The following EPHA6 variants were observed in gnomAD, a reference collection of about 807,000 sequenced individuals.
The protein encoded by EPHA6 is EPH receptor A6.
EPHA6 carries 50 observed loss-of-function variants against 112.0 expected under a neutral mutation model. The observed-to-expected ratio is 0.45, with a 90% CI of 0.36 to 0.56. EPHA6 has a LOEUF of 0.56. EPHA6 is among the 20% of genes least tolerant of loss of function. EPHA6 has a pLI of 0.00. For synonymous variants in EPHA6, 529 were observed against 490.7 expected (o/e 1.08, Z -1.03); for missense variants, 1,280 against 1,417.4 (o/e 0.90, Z 1.56).
chr3:97,203,684 A>G (rs914489452), intron 3 of EPHA6, among the ~76,000 whole-genome samples: 2 of 152,142 alleles, frequency 1.3e-5, no homozygotes, highest in Non-Finnish European at 2.9e-5. Flanking sequence ...AGGAGTCTTG[A>G]ACTCGGAATC....
chr3:97,088,321 C>G (rs1391900231), intron 3 of EPHA6, among the ~76,000 whole-genome samples: 1 of 152,134 alleles, frequency 6.6e-6, no homozygotes, highest in African/African-American at 2.4e-5. Context: ...ACTGGAATTT[C>G]AATCATTACA....
At chr3:97,424,157 A>C (rs1331874687) in intron 6 of EPHA6, among the ~76,000 whole-genome samples, 1 of 152,206 alleles carries the variant, frequency 6.6e-6, no homozygotes, top group Non-Finnish European at 1.5e-5. Flanking sequence ...AAGTTTGTGC[A>C]TAGGAACTCT....
chr3:97,324,421 CTT>C (rs1553746291), intron 5 of EPHA6, among the ~76,000 whole-genome samples: 1 of 140,106 alleles, frequency 7.1e-6, no homozygotes, highest in South Asian at 2.3e-4. Flanking sequence ...TTCTTTCTTT[CTT>C]TCTTTCTTTC....
At chr3:97,496,921 G>T (rs1480311876) in intron 10 of EPHA6, among the ~76,000 whole-genome samples, 1 of 152,042 alleles carries the variant, frequency 6.6e-6, no homozygotes, top group Non-Finnish European at 1.5e-5. Context: ...CATTTGTAGT[G>T]AGATTTGCAT....
intron 5 of EPHA6, among the ~76,000 whole-genome samples, chr3:97,356,348 A>G (rs929897218): frequency 6.6e-6 from 1 of 152,242 alleles, no homozygotes; most frequent in Non-Finnish European, 1.5e-5. Context: ...ATTAATAGAA[A>G]TAAAGTACAA....
At chr3:97,281,323 C>A (rs1248350532) in intron 5 of EPHA6, among the ~76,000 whole-genome samples, 1 of 151,922 alleles carries the variant, frequency 6.6e-6, no homozygotes, top group Admixed American at 6.6e-5. Flanking sequence ...TTTATAACTT[C>A]TTTGGGGGAA....
chr3:97,154,752 T>A (rs1463372480), intron 3 of EPHA6, among the ~76,000 whole-genome samples: 1 of 152,200 alleles, frequency 6.6e-6, no homozygotes, highest in African/African-American at 2.4e-5. Flanking sequence ...TCTATTTTTT[T>A]GAAAAGGCTG....
At chr3:97,521,691 A>T (rs1359958172) in intron 10 of EPHA6, among the ~76,000 whole-genome samples, 1 of 152,162 alleles carries the variant, frequency 6.6e-6, no homozygotes, top group Non-Finnish European at 1.5e-5. Context: ...TTGGATGGGG[A>T]CATAGCAAAC....
intron 7 of EPHA6, among the ~76,000 whole-genome samples, chr3:97,471,328 A>G (rs939466846): frequency 6.6e-6 from 1 of 151,692 alleles, no homozygotes; most frequent in African/African-American, 2.4e-5. Context: ...CCCTTTTGTA[A>G]CAATAATTAC....
At chr3:96,889,990 C>G (rs1190367482) in intron 2 of EPHA6, among the ~76,000 whole-genome samples, 1 of 151,864 alleles carries the variant, frequency 6.6e-6, no homozygotes, top group East Asian at 1.9e-4. Flanking sequence ...TATATATTGA[C>G]CTCTTATACC....
intron 1 of EPHA6, among the ~76,000 whole-genome samples, chr3:96,862,974 A>G (rs1376535698): frequency 2.0e-5 from 3 of 152,022 alleles, no homozygotes; most frequent in Admixed American, 6.6e-5. Flanking sequence ...TTTTTTTCTA[A>G]AAGTTAATAG....
At chr3:97,169,168 G>T (rs562781720) in intron 3 of EPHA6, among the ~76,000 whole-genome samples, 1 of 152,176 alleles carries the variant, frequency 6.6e-6, no homozygotes, top group East Asian at 1.9e-4. Context: ...TGAGATCCAG[G>T]TGAAGTTGTT....
At chr3:97,370,636 T>G (rs1271791619) in intron 5 of EPHA6, among the ~76,000 whole-genome samples, 1 of 152,130 alleles carries the variant, frequency 6.6e-6, no homozygotes, top group Non-Finnish European at 1.5e-5. Flanking sequence ...GGCTATAATA[T>G]ATTTAAGGTT....
intron 3 of EPHA6, among the ~76,000 whole-genome samples, chr3:97,026,360 C>A (rs1054618551): frequency 6.6e-5 from 10 of 152,074 alleles, no homozygotes; most frequent in Admixed American, 5.9e-4. Context: ...TTGCTTTGGG[C>A]AATATGGCCG....
intron 1 of EPHA6, among the ~76,000 whole-genome samples, chr3:96,837,662 AATAATAGC>A (rs1462507635): frequency 1.3e-5 from 2 of 152,068 alleles, no homozygotes; most frequent in East Asian, 3.9e-4. Context: ...AATACCTTTA[AATAATAGC>A]TCATTTAATC....
intron 11 of EPHA6, among the ~76,000 whole-genome samples, chr3:97,545,217 C>G (rs1367102602): frequency 6.6e-6 from 1 of 151,868 alleles, no homozygotes; most frequent in Non-Finnish European, 1.5e-5. Flanking sequence ...TATAAATTTC[C>G]CTCAACACAC....
At chr3:97,445,462 T>G (rs751123255) in intron 6 of EPHA6, among the ~76,000 whole-genome samples, 1 of 152,184 alleles carries the variant, frequency 6.6e-6, no homozygotes, top group Non-Finnish European at 1.5e-5. Flanking sequence ...ATTTTTTAAA[T>G]CATACTTTTA....
At chr3:97,505,021 G>T (rs1306362480) in intron 10 of EPHA6, among the ~76,000 whole-genome samples, 1 of 151,552 alleles carries the variant, frequency 6.6e-6, no homozygotes, top group Admixed American at 6.6e-5. Flanking sequence ...GGTTACATGA[G>T]GTTACCTTTG....
intron 3 of EPHA6, among the ~76,000 whole-genome samples, chr3:97,153,328 C>T (rs924872733): frequency 2.6e-5 from 4 of 151,772 alleles, no homozygotes; most frequent in Admixed American, 6.6e-5. Context: ...AATTATGATT[C>T]GATAATAGTT....
Sources: allele counts gnomAD v4.1 joint callset (sites outside exome capture counted in the v4.1 genomes callset), GRCh38; gene constraint gnomAD v4.1.1; transcripts MANE v1.5; gene names NCBI Gene and HGNC (gene_info 2026-07-23, HGNC 2026-07-21).